Variants in RYR1 observed in about 807,000 individuals in gnomAD.
The protein encoded by RYR1 is ryanodine receptor 1, also known as central core disease of muscle.
RYR1 carries 342 observed loss-of-function variants against 583.5 expected under a neutral mutation model. That is an observed-to-expected ratio of 0.59 (90% CI 0.54 to 0.64). The LOEUF (loss-of-function observed/expected upper bound fraction) is 0.64, where lower values mean the gene tolerates loss of function less well. RYR1 is among the 30% of genes least tolerant of loss of function. RYR1 has a pLI of 0.00. For synonymous variants in RYR1, 2,791 were observed against 2,822.5 expected (o/e 0.99, Z 0.35); for missense variants, 6,032 against 6,917.2 (o/e 0.87, Z 4.54).
In RYR1 at chr19:38,546,516, G is replaced by T. The variant is rs571477269; in HGVS notation, c.12084G>T (p.Ser4028=). Residue 4028 remains serine, a synonymous_variant, in exon 88 of 106, where the codon TCG becomes TCT. Transcript: ENST00000359596. ...AGGACATGGTGGTGATGTTGCTGTC[G>T]CTACTAGAAGGTAAACACCCAGGAG... is the stretch of plus-strand genomic sequence containing the variant. ...LQKDMVVMLL[S]LLEGNVVNGM... 6.2e-7 allele frequency: 1 copy of T among 1,613,168 alleles called. No individual in the cohort carries two copies.
At chr19:38,583,997 T>A (rs897434084) in intron 101 of RYR1, among the ~76,000 whole-genome samples, 1 of 151,988 alleles carries the variant, frequency 6.6e-6, no homozygotes, top group Non-Finnish European at 1.5e-5. Flanking sequence ...TCCTCACTGA[T>A]GGCGAGGCAG....
chr19:38,469,707 G>A (rs1968315879), intron 27 of RYR1, among the ~76,000 whole-genome samples, 194 bp downstream of exon 27: 1 of 152,066 alleles, frequency 6.6e-6, no homozygotes, highest in South Asian at 2.1e-4. Flanking sequence ...TGAGGTCCAG[G>A]TGCCTCACCT....
At chr19:38,503,145 C>T (rs1401474721) in intron 49 of RYR1, among the ~76,000 whole-genome samples, 175 bp downstream of exon 49, 6 of 152,176 alleles carry the variant, frequency 3.9e-5, no homozygotes, top group Non-Finnish European at 7.4e-5. Context: ...CTAGGATTCC[C>T]AGAACATTCA....
At position 38,505,890 on chromosome 19, in the gene RYR1, G is replaced by T. The variant is rs750064580; in HGVS notation, c.8485G>T (p.Gly2829Cys). Residue 2829 changes from glycine (G) to cysteine (C), a missense_variant, in exon 54 of 106, where the codon GGT becomes TGT. Physicochemically the swap from Gly to Cys is radical, Grantham distance 159. Around this residue, in one of 11 missense-constraint regions of RYR1, gnomAD observed 1,493 missense variants for 1,715.5 expected, o/e 0.87. Transcript: ENST00000359596. ...ATGGACGATAGAGAAGGCCAGGGAGGGTGAGGAGGAGAAGACGGAAAAGAA... is the reference window on the plus strand; with the variant it reads ...ATGGACGATAGAGAAGGCCAGGGAGTGTGAGGAGGAGAAGACGGAAAAGAA... ...WEWTIEKARE[G>C]EEEKTEKKKT... is the part of the protein sequence containing the mutation. 6.2e-7 allele frequency: 1 copy of T among 1,614,094 alleles called. No individual in the cohort carries two copies.
At position 38,466,262 on chromosome 19, in the gene RYR1, G is replaced by T; in HGVS notation, c.3042G>T (p.Ala1014=). Reference sequence around the variant, plus strand: ...ACAGCGCAGTGCAGGACATCCCAGCGCGCCGAAACCCTCGGCTGGTGCCCT... The same window carrying T: ...ACAGCGCAGTGCAGGACATCCCAGCTCGCCGAAACCCTCGGCTGGTGCCCT... The part of the protein sequence containing the change: ...WSYSAVQDIP[A]RRNPRLVPYR... The change falls in exon 24 of 106, where the codon GCG becomes GCT. Residue 1014 remains alanine, a synonymous_variant. Transcript: ENST00000359596. 2 of 1,613,208 alleles carry T rather than the reference G, an allele frequency of 1.2e-6. No individual in the cohort carries two copies. The highest frequency in any genetic ancestry group is 1.7e-6 in the Non-Finnish European group (2 of 1,179,912).
At position 38,452,069 on chromosome 19, in the gene RYR1, G is replaced by A. The variant is rs527380227; in HGVS notation, c.1244+184G>A. Among the ~76,000 whole-genome samples the A allele has an allele frequency of 5.7e-5, 8 of 140,160 alleles. No homozygotes were observed. The South Asian group carries it at 1.3e-3, about 23-fold the overall frequency. The allele number at this position is 140,160 out of a possible 152,430, so 92.0% of individuals were successfully genotyped here. A position where few individuals can be genotyped will look rare whatever the true frequency, so the allele number is the denominator to read the frequency against. On this transcript the variant is annotated intron_variant, in intron 12 of 105. Transcript: ENST00000359596. Reference sequence around the variant, plus strand: ...TTTGGGAGGGCAAGGCATGAGGATCGCTTGGGCCCAGGAGCTTGAGACCAG... The same window carrying A: ...TTTGGGAGGGCAAGGCATGAGGATCACTTGGGCCCAGGAGCTTGAGACCAG...
intron 27 of RYR1, among the ~76,000 whole-genome samples, chr19:38,471,788 G>A (rs1433244530): frequency 1.3e-5 from 2 of 150,508 alleles, no homozygotes; most frequent in East Asian, 4.0e-4. Context: ...TGTAATCCCA[G>A]TTACTCGGGA....
intron 1 of RYR1, among the ~76,000 whole-genome samples, chr19:38,434,134 C>A (rs1435828787): frequency 6.6e-6 from 1 of 152,120 alleles, no homozygotes; most frequent in Non-Finnish European, 1.5e-5. Context: ...ATTTGTCCCC[C>A]ACAAGAAGGA....
chr19:38,501,448 A>C (rs1970115605), intron 47 of RYR1, among the ~76,000 whole-genome samples: 2 of 152,160 alleles, frequency 1.3e-5, no homozygotes, highest in Admixed American at 1.3e-4. Flanking sequence ...CAGTGAGCCG[A>C]GATCGTGCCG....
At chr19:38,492,705 G>A (rs1337189215) in intron 38 of RYR1, 69 bp downstream of exon 38, 33 of 1,515,198 alleles carry the variant, frequency 2.2e-5, no homozygotes, top group Non-Finnish European at 2.9e-5. Context: ...GGAGCCTCTG[G>A]GTCCCAAAGA....
At position 38,433,745 on chromosome 19, in the gene RYR1, A is replaced by AACCCCCC; in HGVS notation, c.-85_-84insACCCCCC. The AACCCCCC allele has an allele frequency of 4.0e-6, 2 of 498,368 alleles. No homozygotes were observed. Among genetic ancestry groups the AACCCCCC allele is most frequent in the Non-Finnish European group, 3.9e-6 (1 of 256,698 alleles). The allele number at this position is 498,368 out of a possible 1,614,324, so 30.9% of individuals were successfully genotyped here. Reference sequence around the variant, plus strand: ...GGTGTCTCCAGAGGTCTCCGACCCCAGCCCGCCCCCAGCCCTCCCGCCCAG... The same window carrying AACCCCCC: ...GGTGTCTCCAGAGGTCTCCGACCCCAACCCCCCGCCCGCCCCCAGCCCTCCCGCCCAG... On this transcript the variant is annotated 5_prime_UTR_variant, in exon 1 of 106. Transcript: ENST00000359596.
At chr19:38,458,441 A>T in intron 18 of RYR1, 149 bp downstream of exon 18, 1 of 768,494 alleles carries the variant, frequency 1.3e-6, no homozygotes, top group Admixed American at 2.2e-5. Flanking sequence ...CAAGACCCTA[A>T]CCCCAGAGCT....
intron 76 of RYR1, among the ~76,000 whole-genome samples, chr19:38,530,835 T>C (rs1467142479): frequency 6.6e-6 from 1 of 151,250 alleles, no homozygotes; most frequent in African/African-American, 2.4e-5. Context: ...GGAGTTTTGC[T>C]CTTGTTGCCC....
intron 19 of RYR1, 54 bp downstream of exon 19, chr19:38,459,392 G>A: frequency 6.5e-7 from 1 of 1,548,954 alleles, no homozygotes; most frequent in South Asian, 1.1e-5. Context: ...ACTGACCTGA[G>A]ACAGCTTCCC....
intron 31 of RYR1, among the ~76,000 whole-genome samples, 160 bp downstream of exon 31, chr19:38,478,760 A>T (rs1968871254): frequency 6.6e-6 from 1 of 152,096 alleles, no homozygotes; most frequent in African/African-American, 2.4e-5. Flanking sequence ...TGAAACTTCC[A>T]TGAAACTAAG....
intron 13 of RYR1, among the ~76,000 whole-genome samples, chr19:38,453,458 T>C (rs1052820291): frequency 2.7e-5 from 4 of 150,522 alleles, no homozygotes; most frequent in African/African-American, 9.8e-5. Flanking sequence ...ACAGAATCAG[T>C]GTGGGGTATG....
chr19:38,455,426 G>A lies in RYR1; in HGVS notation c.1577-25G>A, dbSNP rs763918331. 4.3e-6 allele frequency: 7 copies of A among 1,614,078 alleles called. No individual in the cohort carries two copies. The Admixed American group carries it at 1.0e-4, about 23-fold the overall frequency. On this transcript the variant is annotated intron_variant, in intron 14 of 105. Coordinates refer to ENST00000359596, the MANE Select transcript of RYR1 (RefSeq NM_000540.3). ...ACACCCCAGATCCCCAGTCCTATTG[G>A]ATCTGACACCTCTTCCCCCCTCAGC... is the stretch of plus-strand genomic sequence containing the variant.
At chr19:38,442,877 G>T (rs887731475) in intron 3 of RYR1, among the ~76,000 whole-genome samples, 2 of 152,050 alleles carry the variant, frequency 1.3e-5, no homozygotes, top group Non-Finnish European at 1.5e-5. Flanking sequence ...GCTCCTCTCC[G>T]CATGGGACCT....
In RYR1 at chr19:38,496,113, A is replaced by C. The variant is rs1600807159; in HGVS notation, c.6549-102A>C. Reference sequence around the variant, plus strand: ...ATCTGTAAAGGCGGTGGTGCTAGGCACAGAGTGAGAGGGTCAAGAATGCCA... The same window carrying C: ...ATCTGTAAAGGCGGTGGTGCTAGGCCCAGAGTGAGAGGGTCAAGAATGCCA... On this transcript the variant is annotated intron_variant, in intron 39 of 105. Transcript: ENST00000359596. This position sits in a 1 kb window ranked among gnomAD's most constrained non-coding sequence, Gnocchi z 4.8. 3 of 962,144 alleles carry C rather than the reference A, an allele frequency of 3.1e-6. No individual in the cohort carries two copies. The highest frequency in any genetic ancestry group is 5.0e-5 in the East Asian group (2 of 40,268). The allele number at this position is 962,144 out of a possible 1,614,324, so 59.6% of individuals were successfully genotyped here. A position where few individuals can be genotyped will look rare whatever the true frequency, so the allele number is the denominator to read the frequency against.
Sources: gnomAD v4.1 joint callset for allele counts (sites outside exome capture counted in the v4.1 genomes callset) on GRCh38, gnomAD v4.1.1 for gene constraint, gnomAD v4.1.1 regional missense constraint, Gnocchi (gnomAD v3.1) non-coding constraint, MANE v1.5 for transcripts, NCBI Gene and HGNC (gene_info 2026-07-23, HGNC 2026-07-21) for gene names.